PID1: variants seen among roughly 807,000 people sequenced by gnomAD.
PID1 encodes the protein phosphotyrosine interaction domain containing 1, also known as PTB-containing, cubilin and LRP1-interacting protein.
PID1 carries 10 observed loss-of-function variants against 19.1 expected under a neutral mutation model. That is an observed-to-expected ratio of 0.52 (90% confidence interval 0.32 to 0.89). PID1 has a LOEUF of 0.89. Ranked by LOEUF, PID1 falls within the 40% of genes least tolerant of loss-of-function variation. The probability of loss-of-function intolerance (pLI) is 0.03; values close to 1 mark genes in which losing one functional copy is unlikely to be tolerated. For missense variants in PID1, 248 were observed against 285.3 expected, an observed-to-expected ratio of 0.87 and a Z score of 0.94; for synonymous variants, 130 against 116.0, an observed-to-expected ratio of 1.12 and a Z score of -0.78.
intron 1 of PID1, among the ~76,000 whole-genome samples, chr2:229,172,899 T>C (rs368230016): frequency 1.3e-5 from 2 of 152,006 alleles, no homozygotes; most frequent in East Asian, 1.9e-4. Flanking sequence ...GCCCGGCTGA[T>C]TTTTTGTATT....
intron 1 of PID1, among the ~76,000 whole-genome samples, chr2:229,237,658 T>C (rs1479257753): frequency 6.6e-6 from 1 of 152,194 alleles, no homozygotes; most frequent in Admixed American, 6.5e-5. Context: ...TTGCTTAAAA[T>C]TGAAGGCTAT....
chr2:229,065,898 C>G (rs1350991633), intron 2 of PID1, among the ~76,000 whole-genome samples: 1 of 152,052 alleles, frequency 6.6e-6, no homozygotes, highest in East Asian at 1.9e-4. Context: ...AATTTGTATG[C>G]TTGACATTAA....
In PID1 at chr2:229,124,784, G is replaced by A. The variant is rs889914501; in HGVS notation, c.177+31034C>T. Among the ~76,000 whole-genome samples the A allele has an allele frequency of 2.6e-5, 4 of 152,148 alleles. No homozygotes were observed. The East Asian group carries it at 7.7e-4, about 29-fold the overall frequency. On this transcript the variant is annotated intron_variant, in intron 2 of 2. Transcript: ENST00000392055. ...AGTTCAAATTATATTGTGCTAGTTTGTAACAGAGTCTGGGTGGACAAGTGA... is the reference window on the plus strand; with the variant it reads ...AGTTCAAATTATATTGTGCTAGTTTATAACAGAGTCTGGGTGGACAAGTGA...
chr2:229,232,467 A>G (rs1255071520), intron 1 of PID1, among the ~76,000 whole-genome samples: 1 of 136,520 alleles, frequency 7.3e-6, no homozygotes, highest in Non-Finnish European at 1.5e-5. Context: ...AGTCTCTCTT[A>G]AGGTCATCAC....
intron 2 of PID1, among the ~76,000 whole-genome samples, chr2:229,054,085 G>A (rs1694047432): frequency 7.2e-6 from 1 of 139,164 alleles, no homozygotes; most frequent in African/African-American, 3.3e-5. Context: ...CTATTAGGCA[G>A]GGTGGGATAT....
chr2:229,263,020 G>C, intron 1 of PID1: 1 of 852,024 alleles, frequency 1.2e-6, no homozygotes, highest in South Asian at 3.0e-5. Flanking sequence ...CAGGGGTTAA[G>C]ACTTCAACAC....
At chr2:229,235,092 C>A (rs1421400375) in intron 1 of PID1, among the ~76,000 whole-genome samples, 1 of 152,118 alleles carries the variant, frequency 6.6e-6, no homozygotes, top group Non-Finnish European at 1.5e-5. Context: ...TCTCTCCCAC[C>A]CTCTCTCTAG....
intron 1 of PID1, among the ~76,000 whole-genome samples, chr2:229,166,394 C>T (rs1690597892): frequency 6.6e-6 from 1 of 152,260 alleles, no homozygotes; most frequent in African/African-American, 2.4e-5. Context: ...AACCTACCAA[C>T]TTGTGCACTT....
intron 1 of PID1, among the ~76,000 whole-genome samples, chr2:229,191,605 C>T (rs1691261452): frequency 6.6e-6 from 1 of 152,166 alleles, no homozygotes; most frequent in South Asian, 2.1e-4. Context: ...TTTTTCAATC[C>T]ACTCACAAGT....
chr2:229,083,822 T>C (rs766562233), intron 2 of PID1, among the ~76,000 whole-genome samples: 1 of 152,158 alleles, frequency 6.6e-6, no homozygotes, highest in Non-Finnish European at 1.5e-5. Context: ...TCACGTGCAA[T>C]AGCTCAAAAC....
chr2:229,037,782 C>T (rs988029783), intron 2 of PID1, among the ~76,000 whole-genome samples: 4 of 152,276 alleles, frequency 2.6e-5, no homozygotes, highest in Non-Finnish European at 5.9e-5. Context: ...CCTCTGCTTT[C>T]TAGTCAGAAG....
At chr2:229,134,240 T>G (rs1050933378) in intron 2 of PID1, among the ~76,000 whole-genome samples, 3 of 146,012 alleles carry the variant, frequency 2.1e-5, no homozygotes, top group East Asian at 2.1e-4. Flanking sequence ...TGTTTTTTTT[T>G]TTTTTTTTTT....
chr2:229,119,441 G>A (rs1489879231), intron 2 of PID1, among the ~76,000 whole-genome samples: 1 of 152,174 alleles, frequency 6.6e-6, no homozygotes, highest in Non-Finnish European at 1.5e-5. Context: ...CCTTAAAATA[G>A]TAGTCAGTGG....
intron 1 of PID1, among the ~76,000 whole-genome samples, chr2:229,236,985 C>G (rs1443414100): frequency 1.7e-5 from 1 of 58,776 alleles, no homozygotes; most frequent in Non-Finnish European, 4.7e-5. Flanking sequence ...TTTACACACA[C>G]ATACACACAC....
chr2:229,058,579 A>T lies in PID1; in HGVS notation c.178-32471T>A, dbSNP rs1347349395. On this transcript the variant is annotated intron_variant, in intron 2 of 2. Coordinates refer to ENST00000392055, the MANE Select transcript of PID1 (RefSeq NM_001100818.2). ...CTCTCAGCAGTTCTCTTGAGTATAT[A>T]TTTTGAAACTACAGCTCTTGGCCAG... Among the ~76,000 whole-genome samples the T allele has an allele frequency of 6.6e-5, 10 of 152,322 alleles. 1 individual carries two copies. Among genetic ancestry groups the T allele is most frequent in the Non-Finnish European group, 1.3e-4 (9 of 68,030 alleles).
intron 1 of PID1, among the ~76,000 whole-genome samples, chr2:229,254,730 C>A (rs1219601709): frequency 6.6e-6 from 1 of 152,164 alleles, no homozygotes; most frequent in Non-Finnish European, 1.5e-5. Flanking sequence ...TGATATGTTT[C>A]TCTTTTATTG....
Position 229,122,560 on chromosome 2 carries a change from C to T in PID1, c.177+33258G>A, listed in dbSNP as rs148524207. ...GAGACCAAGACCACACCAAGGCAGG[C>T]AGATTTGATAAAGCTCTAGGTGGTT... On this transcript the variant is annotated intron_variant, in intron 2 of 2. Transcript: ENST00000392055. Among the ~76,000 whole-genome samples, 23 of 152,182 alleles carry T rather than the reference C, an allele frequency of 1.5e-4. No homozygotes were observed. The East Asian group carries it at 3.7e-3, about 24-fold the overall frequency.
chr2:229,090,204 T>C (rs563170457), intron 2 of PID1, among the ~76,000 whole-genome samples: 116 of 152,308 alleles, frequency 7.6e-4, no homozygotes, highest in African/African-American at 2.7e-3. Context: ...TTTTTTGTTA[T>C]TTTATGTCTC....
chr2:229,132,766 A>G (rs113401291), intron 2 of PID1, among the ~76,000 whole-genome samples: 171 of 152,344 alleles, frequency 1.1e-3, no homozygotes, highest in African/African-American at 4.0e-3. Context: ...GTAATTCCAA[A>G]TGATTTTTCA....
Sources: gnomAD v4.1 joint callset for allele counts (sites outside exome capture counted in the v4.1 genomes callset) on GRCh38, gnomAD v4.1.1 for gene constraint, MANE v1.5 for transcripts, NCBI Gene and HGNC (gene_info 2026-07-23, HGNC 2026-07-21) for gene names.